The following PCM1 variants were observed in gnomAD, a reference collection of about 807,000 sequenced individuals.
PCM1 encodes the protein pericentriolar material 1.
A neutral mutation model predicts 241.9 loss-of-function variants in PCM1; 157 were observed. The ratio of observed to expected loss-of-function variants is 0.65; its 90% CI spans 0.57 to 0.74. PCM1 has a LOEUF of 0.74. PCM1 is among the 30% of genes least tolerant of loss of function. The probability of loss-of-function intolerance (pLI) is 0.00; values close to 1 mark genes in which losing one functional copy is unlikely to be tolerated. For synonymous variants in PCM1, 1,085 were observed against 784.9 expected (o/e 1.38, Z -6.39); for missense variants, 3,478 against 2,360.1 (o/e 1.47, Z -9.81).
intron 5 of PCM1, 137 bp from the exon 6 acceptor site, chr8:17,939,540 TTTTGCATGTGTTAA>T (rs2061427075): frequency 2.3e-6 from 1 of 432,264 alleles, no homozygotes; most frequent in East Asian, 3.4e-5. Flanking sequence ...GATTCAGATT[TTTTGCATGTGTTAA>T]TTCACACAAT....
chr8:18,020,960 A>G (rs2093699696), intron 36 of PCM1, among the ~76,000 whole-genome samples: 2 of 152,182 alleles, frequency 1.3e-5, no homozygotes, highest in South Asian at 4.1e-4. Context: ...AATGATGCTC[A>G]TGCTCGTAGG....
chr8:17,939,999 C>T (rs1313395471), intron 6 of PCM1, 138 bp downstream of exon 6: 1 of 1,318,780 alleles, frequency 7.6e-7, no homozygotes, highest in Non-Finnish European at 1.1e-6. Flanking sequence ...AATTTATTGC[C>T]CATTTTAATA....
In PCM1 at chr8:18,027,681, TCTAA is replaced by T. The variant is rs762618125; in HGVS notation, c.*22_*25del. The T allele has an allele frequency of 1.9e-6, 3 of 1,565,524 alleles. No individual in the cohort carries two copies. The highest frequency in any genetic ancestry group is 2.6e-6 in the Non-Finnish European group (3 of 1,142,356). On this transcript the variant is annotated 3_prime_UTR_variant, in exon 39 of 39. Coordinates refer to ENST00000325083, the MANE Select transcript of PCM1 (RefSeq NM_006197.4). ...TATATGAGATGTCTTCAGAGGCTCA[TCTAA>T]CTCTGTCCTTACATACTCAATGCAT...
At chr8:17,971,938 T>C (rs1306843674) in intron 22 of PCM1, among the ~76,000 whole-genome samples, 1 of 151,742 alleles carries the variant, frequency 6.6e-6, no homozygotes, top group Admixed American at 6.6e-5. Context: ...AGAGACGGGG[T>C]CTCACCAACT....
intron 36 of PCM1, among the ~76,000 whole-genome samples, chr8:18,021,457 A>G (rs2093747539): frequency 6.6e-6 from 1 of 152,188 alleles, no homozygotes; most frequent in Non-Finnish European, 1.5e-5. Context: ...TTCTTGCGGT[A>G]GTGTACCTGT....
In PCM1 at chr8:17,967,176, TG is replaced by T; in HGVS notation, c.3412+7del. 6.4e-7 allele frequency: 1 copy of T among 1,566,590 alleles called. No homozygotes were observed. Among genetic ancestry groups the T allele is most frequent in the Non-Finnish European group, 8.7e-7 (1 of 1,151,644 alleles). ...CTTTTCATCATTTGCACCAGGTAGG[TG>T]ACTTAACCTAAAGAGAAAATAAATA... is the stretch of plus-strand genomic sequence containing the variant. On this transcript the variant is annotated splice_region_variant and intron_variant, in intron 21 of 38. Transcript: ENST00000325083.
At chr8:17,975,408 C>A (rs2078394548) in intron 23 of PCM1, among the ~76,000 whole-genome samples, 1 of 152,078 alleles carries the variant, frequency 6.6e-6, no homozygotes, top group African/African-American at 2.4e-5. Context: ...GGTGATCCAC[C>A]CCCATTGGCC....
chr8:18,025,646 C>G lies in PCM1; in HGVS notation c.6037C>G (p.Leu2013Val), dbSNP rs186210890. 1.0e-3 allele frequency: 1,605 copies of G among 1,533,060 alleles called. 10 individuals are homozygous for G. The highest frequency in any genetic ancestry group is 6.6e-4 in the Non-Finnish European group (739 of 1,124,684). 95.0% of individuals were successfully genotyped at this position (1,533,060 alleles called of 1,614,324 possible). The change falls in exon 38 of 39, where the codon CTA (leucine) becomes GTA (valine). Residue 2013 changes from leucine (L) to valine (V), a missense_variant. Coordinates refer to ENST00000325083, the MANE Select transcript of PCM1 (RefSeq NM_006197.4). ...AGAATTAGCTGGAAATTCTGAGACA[C>G]TAAAAGAACCTGGTAAGAGTTATCA... ...TEELAGNSETLKEPETVGAQS... is the reference protein window; with the variant it reads ...TEELAGNSETVKEPETVGAQS...
rs763286195 is a variant in PCM1, at chr8:17,964,746, A to G, written c.2833A>G (p.Asn945Asp). 6.2e-7 allele frequency: 1 copy of G among 1,613,238 alleles called. No homozygotes were observed. The highest frequency in any genetic ancestry group is 2.2e-5 in the East Asian group (1 of 44,868). ...TAACAGTGTGAATCATAACTCCTACAATGGAAAGGAAACTAAAAATAGGTT... is the reference window on the plus strand; with the variant it reads ...TAACAGTGTGAATCATAACTCCTACGATGGAAAGGAAACTAAAAATAGGTT... ...PSNSVNHNSY[N>D]GKETKNRWKN... is the part of the protein sequence containing the mutation. The change falls in exon 18 of 39, where the codon AAT (asparagine) becomes GAT (aspartate). Residue 945 changes from asparagine to aspartate, a missense_variant. Transcript: ENST00000325083.
At chr8:18,026,165 G>GAAAA (rs1588876179) in intron 38 of PCM1, among the ~76,000 whole-genome samples, 38 of 3,574 alleles carry the variant, frequency 0.011, 18 homozygotes, top group East Asian at 0.029. Flanking sequence ...CTCCCTCTCT[G>GAAAA]AAACAAAAAA....
chr8:18,025,740 T>A (rs1003024880), intron 38 of PCM1, 82 bp downstream of exon 38: 2 of 779,520 alleles, frequency 2.6e-6, no homozygotes, highest in African/African-American at 3.6e-5. Flanking sequence ...TTTTTAAATA[T>A]GCTACTACTG....
chr8:18,010,309 G>T (rs986899079), intron 31 of PCM1, among the ~76,000 whole-genome samples: 1 of 152,126 alleles, frequency 6.6e-6, no homozygotes, highest in Non-Finnish European at 1.5e-5. Flanking sequence ...TTTATGAGAA[G>T]GAAACAAGCC....
chr8:17,952,826 T>C (rs1309172508), intron 8 of PCM1, 144 bp from the exon 9 acceptor site: 5 of 521,210 alleles, frequency 9.6e-6, no homozygotes, highest in Non-Finnish European at 1.7e-5. Flanking sequence ...AATTTGGGAA[T>C]AGTAAGGGTA....
At position 17,935,222 on chromosome 8, in the gene PCM1, A is replaced by G. The variant is rs1356204806; in HGVS notation, c.-22-367A>G. 4.6e-5 allele frequency among the ~76,000 whole-genome samples: 7 copies of G among 152,350 alleles called. No individual in the cohort carries two copies. The East Asian group carries it at 1.2e-3, about 25-fold the overall frequency. ...TTCATCCCAAGTCCATTGTCAGAAC[A>G]GAGATACTTTCTTTCCTGGGAGAAG... is the stretch of plus-strand genomic sequence containing the variant. On this transcript the variant is annotated intron_variant, in intron 2 of 38. Coordinates refer to ENST00000325083, the MANE Select transcript of PCM1 (RefSeq NM_006197.4).
chr8:17,924,565 C>T (rs1040735439), intron 1 of PCM1, 148 bp from the exon 2 acceptor site: 1 of 152,178 alleles, frequency 6.6e-6, no homozygotes, highest in Non-Finnish European at 1.5e-5. Flanking sequence ...ATTGAGGTAA[C>T]TTAAATTTAA....
Position 18,028,545 on chromosome 8 carries a change from A to AGAT in PCM1, c.*885_*887dup, listed in dbSNP as rs780987198. The AGAT allele has an allele frequency of 2.3e-4, 46 of 204,008 alleles. No individual in the cohort carries two copies. The highest frequency in any genetic ancestry group is 6.4e-4 in the African/African-American group (28 of 43,886). 12.6% of individuals were successfully genotyped at this position (204,008 alleles called of 1,614,324 possible). The stretch of plus-strand genomic sequence containing the variant: ...TGCCTTCAGATAAACTTGCCTATTG[A>AGAT]GATGGTAATTTAAAGCCAAAGCATA... On this transcript the variant is annotated 3_prime_UTR_variant, in exon 39 of 39. Transcript: ENST00000325083.
Position 17,991,544 on chromosome 8 carries a change from A to G in PCM1, c.4534A>G (p.Asn1512Asp), listed in dbSNP as rs1247083152. Residue 1512 changes from asparagine (N) to aspartate (D), a missense_variant and splice_region_variant, in exon 28 of 39, where the codon AAC (asparagine) becomes GAC (aspartate). Physicochemically the swap from Asn to Asp is conservative, Grantham distance 23 (BLOSUM62 1). Coordinates refer to ENST00000325083, the MANE Select transcript of PCM1 (RefSeq NM_006197.4). The part of the protein sequence containing the change: ...FEPFATDDLG[N>D]TVIHLDQALA... The stretch of plus-strand genomic sequence containing the variant: ...AAATATTTTTGTTCCAAATGTAGGT[A>G]ACACCGTGATTCACTTAGATCAAGC... The G allele has an allele frequency of 6.3e-7, 1 of 1,596,500 alleles. No homozygotes were observed. Among genetic ancestry groups the G allele is most frequent in the African/African-American group, 1.3e-5 (1 of 74,646 alleles).
intron 16 of PCM1, among the ~76,000 whole-genome samples, chr8:17,962,547 G>T (rs2072902378): frequency 6.6e-6 from 1 of 151,906 alleles, no homozygotes; most frequent in Admixed American, 6.6e-5. Flanking sequence ...ATTTATATGT[G>T]GTTTGTAGAA....
chr8:17,981,233 T>C (rs1159370447), intron 24 of PCM1, among the ~76,000 whole-genome samples: 2 of 152,226 alleles, frequency 1.3e-5, no homozygotes, highest in Non-Finnish European at 2.9e-5. Context: ...AGTTTTTGTA[T>C]AGCTATCACA....
Sources: allele counts gnomAD v4.1 joint callset (sites outside exome capture counted in the v4.1 genomes callset), GRCh38; gene constraint gnomAD v4.1.1; transcripts MANE v1.5; gene names NCBI Gene and HGNC (gene_info 2026-07-23, HGNC 2026-07-21).